The following SLC18B1 variants were observed in gnomAD, a reference collection of about 807,000 sequenced individuals.
SLC18B1 encodes MFS-type transporter SLC18B1.
Under a neutral mutation model 53.9 loss-of-function variants are expected in SLC18B1, and 62 were observed. The observed-to-expected ratio is 1.15, with a 90% CI of 0.94 to 1.42. SLC18B1 has a LOEUF of 1.42. SLC18B1 is among the 40% of genes most tolerant of loss of function. The probability of loss-of-function intolerance (pLI) is 0.00; values close to 1 mark genes in which losing one functional copy is unlikely to be tolerated. For missense variants in SLC18B1, 598 were observed against 547.3 expected, an observed-to-expected ratio of 1.09 and a Z score of -0.93; for synonymous variants, 217 against 200.9, an observed-to-expected ratio of 1.08 and a Z score of -0.68.
intron 2 of SLC18B1, among the ~76,000 whole-genome samples, chr6:132,795,178 A>T (rs969169953): frequency 3.8e-4 from 58 of 152,280 alleles, no homozygotes; most frequent in African/African-American, 1.3e-3. Context: ...AGAAAAAAAA[A>T]AACAGTCTTA....
chr6:132,774,270 G>T lies in SLC18B1; in HGVS notation c.941C>A (p.Ala314Asp), dbSNP rs1208123509. Residue 314 changes from alanine to aspartate, a missense_variant, in exon 9 of 14, where the codon GCC becomes GAC. Transcript: ENST00000275227. The part of the protein sequence containing the change: ...WLLVFGNLIT[A>D]GCYMLLGPVP... Reference sequence around the variant, plus strand: ...AGGCCCTAAGAGCATGTAGCACCCGGCTGTGATTAAGTTGCCAAACACCAG... The same window carrying T: ...AGGCCCTAAGAGCATGTAGCACCCGTCTGTGATTAAGTTGCCAAACACCAG... 1.9e-6 allele frequency: 3 copies of T among 1,613,548 alleles called. No homozygotes were observed. Among genetic ancestry groups the T allele is most frequent in the Non-Finnish European group, 2.5e-6 (3 of 1,179,700 alleles).
rs554233938 is a variant in SLC18B1 at position 132,770,824 on chromosome 6, T to C, written c.1304+66A>G. On this transcript the variant is annotated intron_variant, in intron 13 of 13. Coordinates refer to ENST00000275227, the MANE Select transcript of SLC18B1 (RefSeq NM_052831.3). ...GACTGGAAGAATAAATGTAAAATGT[T>C]ATTTATTTTCCACTTGCACTGGCTA... The C allele has an allele frequency of 5.0e-6, 7 of 1,399,520 alleles. No homozygotes were observed. In the African/African-American group the frequency reaches 7.2e-5, roughly 14 times the overall value. 86.7% of individuals were successfully genotyped at this position (1,399,520 alleles called of 1,614,324 possible).
intron 11 of SLC18B1, 126 bp from the exon 12 acceptor site, chr6:132,771,255 T>C: frequency 2.5e-6 from 2 of 807,090 alleles, no homozygotes; most frequent in Non-Finnish European, 2.0e-6. Context: ...AAGATAAAGC[T>C]AATTCCTGGG....
rs140525771 is a variant in SLC18B1, at chr6:132,792,889, C to T, written c.184-2617G>A. Among the ~76,000 whole-genome samples the T allele has an allele frequency of 2.2e-3, 338 of 152,216 alleles. 3 individuals carry two copies. The highest frequency in any genetic ancestry group is 7.7e-3 in the African/African-American group (321 of 41,526). ...ATTCCAGCAATTTAGGAGGCCAAGG[C>T]GAGTGGATCACCTGAGGTCAGGAGT... On this transcript the variant is annotated intron_variant, in intron 2 of 13. Transcript: ENST00000275227.
Position 132,770,925 on chromosome 6 carries a change from GC to G in SLC18B1, c.1268del (p.Gly423AlafsTer45). Reference sequence around the variant, plus strand: ...TTGAATACTCCAGTAGATAAAACAAGCCCATGGCTAATCCCTTAAACACAAT... The same window carrying G: ...TTGAATACTCCAGTAGATAAAACAAGCCATGGCTAATCCCTTAAACACAAT... Reference protein sequence around the residue: ...LWALISGLAMGLFYLLEYSRR... With the variant: ...LWALISGLAMXLFYLLEYSRR... On this transcript the variant is annotated frameshift_variant, in exon 13 of 14. Coordinates refer to ENST00000275227, the MANE Select transcript of SLC18B1 (RefSeq NM_052831.3). LOFTEE classifies it low-confidence loss of function (END_TRUNC). 6.2e-7 allele frequency: 1 copy of G among 1,612,352 alleles called. No homozygotes were observed. Among genetic ancestry groups the G allele is most frequent in the Non-Finnish European group, 8.5e-7 (1 of 1,179,542 alleles).
intron 6 of SLC18B1, among the ~76,000 whole-genome samples, chr6:132,783,479 T>A (rs114229453): frequency 0.012 from 1,817 of 152,246 alleles, 31 homozygotes; most frequent in African/African-American, 0.038. Flanking sequence ...TCTGGCCCAG[T>A]TTATAATTTT....
At chr6:132,776,767 C>G (rs1465430262) in intron 7 of SLC18B1, among the ~76,000 whole-genome samples, 1 of 152,122 alleles carries the variant, frequency 6.6e-6, no homozygotes, top group Admixed American at 6.6e-5. Context: ...AAAAGAGATT[C>G]TTGGATTCCA....
chr6:132,772,307 G>A, intron 10 of SLC18B1, 101 bp from the exon 11 acceptor site: 1 of 646,002 alleles, frequency 1.5e-6, no homozygotes, highest in Non-Finnish European at 2.5e-6. Flanking sequence ...GGATAATCTG[G>A]AAAAAAACCA....
At chr6:132,781,466 C>T (rs942014854) in intron 6 of SLC18B1, among the ~76,000 whole-genome samples, 3 of 151,728 alleles carry the variant, frequency 2.0e-5, no homozygotes, top group African/African-American at 7.3e-5. Flanking sequence ...TAGAAAAACT[C>T]CCCAGAAAAG....
intron 2 of SLC18B1, among the ~76,000 whole-genome samples, chr6:132,791,176 G>C (rs2114683379): frequency 6.6e-6 from 1 of 152,278 alleles, no homozygotes; most frequent in East Asian, 1.9e-4. Context: ...CAAAAGGAAA[G>C]CCCGAACTGT....
intron 6 of SLC18B1, among the ~76,000 whole-genome samples, chr6:132,780,543 T>C (rs1418672413): frequency 6.7e-6 from 1 of 149,282 alleles, no homozygotes; most frequent in South Asian, 2.1e-4. Flanking sequence ...ATATAAGAGA[T>C]AAAAGTTAAA....
intron 7 of SLC18B1, among the ~76,000 whole-genome samples, chr6:132,776,993 G>A (rs1460608049): frequency 6.6e-6 from 1 of 152,102 alleles, no homozygotes; most frequent in African/African-American, 2.4e-5. Flanking sequence ...GTTGAGGCGG[G>A]TGGATCACTT....
At chr6:132,796,481 A>G (rs1037132966) in intron 2 of SLC18B1, among the ~76,000 whole-genome samples, 2 of 147,282 alleles carry the variant, frequency 1.4e-5, no homozygotes, top group Non-Finnish European at 3.0e-5. Flanking sequence ...AGCCAAGATC[A>G]CAACATTGCA....
chr6:132,781,088 C>A (rs187592605), intron 6 of SLC18B1, among the ~76,000 whole-genome samples: 1 of 152,076 alleles, frequency 6.6e-6, no homozygotes, highest in Non-Finnish European at 1.5e-5. Flanking sequence ...ATAAAAGATT[C>A]TAATTTTAAT....
In SLC18B1 at chr6:132,783,429, G is replaced by A. The variant is rs369039491; in HGVS notation, c.658+504C>T. Reference sequence around the variant, plus strand: ...GGCCTCAAGTGATCCGCCAGCCTCAGCATCCCAAAGCTCTGTGATTACAGG... The same window carrying A: ...GGCCTCAAGTGATCCGCCAGCCTCAACATCCCAAAGCTCTGTGATTACAGG... On this transcript the variant is annotated intron_variant, in intron 6 of 13. Coordinates refer to ENST00000275227, the MANE Select transcript of SLC18B1 (RefSeq NM_052831.3). Among the ~76,000 whole-genome samples, 702 of 152,340 alleles carry A rather than the reference G, an allele frequency of 4.6e-3. 7 individuals are homozygous for A. The highest frequency in any genetic ancestry group is 0.016 in the African/African-American group (678 of 41,578).
chr6:132,782,187 CAAAAAAA>C (rs572176758), intron 6 of SLC18B1, among the ~76,000 whole-genome samples: 2 of 89,818 alleles, frequency 2.2e-5, no homozygotes, highest in South Asian at 3.4e-4. Context: ...GACTCTGTTT[CAAAAAAA>C]AAAAAAAAAA....
chr6:132,777,838 C>G (rs1419512388), intron 7 of SLC18B1, among the ~76,000 whole-genome samples: 2 of 152,180 alleles, frequency 1.3e-5, no homozygotes, highest in African/African-American at 4.8e-5. Context: ...CTCAAAAATA[C>G]AGGTTGTTGA....
chr6:132,778,546 T>C (rs528674737), intron 7 of SLC18B1, among the ~76,000 whole-genome samples: 3 of 152,356 alleles, frequency 2.0e-5, no homozygotes, highest in South Asian at 4.1e-4. Flanking sequence ...TTTGTTGATA[T>C]TAGAAAATAT....
At chr6:132,779,035 G>A (rs1209446222) in intron 7 of SLC18B1, among the ~76,000 whole-genome samples, 1 of 152,188 alleles carries the variant, frequency 6.6e-6, no homozygotes, top group African/African-American at 2.4e-5. Flanking sequence ...CAAGTTCTTG[G>A]AAAGAAGGAA....
Sources: allele counts gnomAD v4.1 joint callset (sites outside exome capture counted in the v4.1 genomes callset), GRCh38; gene constraint gnomAD v4.1.1; transcripts MANE v1.5; gene names NCBI Gene and HGNC (gene_info 2026-07-23, HGNC 2026-07-21).